The following TRAP1 variants were observed in gnomAD, a reference collection of about 807,000 sequenced individuals.
TRAP1 encodes heat shock protein 75 kDa, mitochondrial.
In TRAP1, 102 loss-of-function variants were observed where a neutral mutation model predicts 89.1. The ratio of observed to expected loss-of-function variants is 1.15; its 90% CI spans 0.98 to 1.35. The LOEUF (loss-of-function observed/expected upper bound fraction) is 1.35. Among genes scored for constraint, TRAP1 ranks in the 40% most tolerant of loss-of-function variants. TRAP1 has a pLI of 0.00. For synonymous variants in TRAP1, 508 were observed against 388.0 expected, an observed-to-expected ratio of 1.31 and a Z score of -3.64; for missense variants, 1,256 against 945.3, an observed-to-expected ratio of 1.33 and a Z score of -4.31.
At chr16:3,664,671 A>G in intron 12 of TRAP1, 1 of 551,852 alleles carries the variant, frequency 1.8e-6, no homozygotes, top group East Asian at 3.3e-5. Context: ...CTTAGGAAGC[A>G]CCTCCTGCCC....
intron 1 of TRAP1, among the ~76,000 whole-genome samples, chr16:3,696,549 G>T (rs907547323): frequency 1.3e-5 from 2 of 152,102 alleles, no homozygotes; most frequent in Middle Eastern, 3.4e-3. Context: ...AGCAATAACT[G>T]GCTGGTGTAA....
chr16:3,676,052 G>T lies in TRAP1; in HGVS notation c.798C>A (p.Ser266Arg). ...CCCGCTCACCTCGCACCCGGGCCTC[G>T]CTGGAAAACTCCTTGCAGTCGGATT... ...HLKSDCKEFS[S>R]EARVRDVVTK... Residue 266 changes from serine to arginine, a missense_variant, in exon 7 of 18, where the codon AGC (serine) becomes AGA (arginine). Ser to Arg is a moderately radical substitution (Grantham distance 110, BLOSUM62 -1). Coordinates refer to ENST00000246957, the MANE Select transcript of TRAP1 (RefSeq NM_016292.3). 6.2e-7 allele frequency: 1 copy of T among 1,613,700 alleles called. No homozygotes were observed. Among genetic ancestry groups the T allele is most frequent in the South Asian group, 1.1e-5 (1 of 90,984 alleles).
Position 3,664,473 on chromosome 16 carries a change from G to C in TRAP1, c.1384-14C>G. Reference sequence around the variant, plus strand: ...TGCTATGTCCTCCTAGAAGGGACGGGGCAGGTCACCACTTATTCCAGGCCC... The same window carrying C: ...TGCTATGTCCTCCTAGAAGGGACGGCGCAGGTCACCACTTATTCCAGGCCC... On this transcript the variant is annotated splice_polypyrimidine_tract_variant and intron_variant, in intron 12 of 17. Transcript: ENST00000246957. 1 of 1,602,184 alleles carries C rather than the reference G, an allele frequency of 6.2e-7. No homozygotes were observed. The highest frequency in any genetic ancestry group is 1.1e-5 in the South Asian group (1 of 89,442).
chr16:3,694,283 A>G (rs1051241108), intron 1 of TRAP1, among the ~76,000 whole-genome samples: 2 of 151,994 alleles, frequency 1.3e-5, no homozygotes, highest in Non-Finnish European at 2.9e-5. Flanking sequence ...AACCTGATAC[A>G]TCTGAAATGA....
At chr16:3,695,740 G>C (rs1196601239) in intron 1 of TRAP1, among the ~76,000 whole-genome samples, 1 of 152,114 alleles carries the variant, frequency 6.6e-6, no homozygotes, top group African/African-American at 2.4e-5. Context: ...TCAGAGGACA[G>C]CACACCATCA....
intron 1 of TRAP1, among the ~76,000 whole-genome samples, chr16:3,697,819 GCT>G (rs1249556568): frequency 2.0e-5 from 3 of 147,362 alleles, no homozygotes; most frequent in African/African-American, 7.5e-5. Flanking sequence ...AGAAGGTCTT[GCT>G]CTGTTGCCCA....
intron 14 of TRAP1, 116 bp downstream of exon 14, chr16:3,663,308 G>T: frequency 1.4e-6 from 2 of 1,380,790 alleles, no homozygotes; most frequent in East Asian, 2.3e-5. Flanking sequence ...CTCTTCTCGG[G>T]GGTGGCTGAG....
At chr16:3,699,396 G>C (rs11645975) in intron 1 of TRAP1, among the ~76,000 whole-genome samples, 48,918 of 151,976 alleles carry the variant, frequency 0.32, 8,693 homozygotes, top group African/African-American at 0.48. Context: ...CAGCACTTTG[G>C]GAGGCCGAGG....
chr16:3,686,097 A>G lies in TRAP1; in HGVS notation c.370T>C (p.Leu124=), dbSNP rs1468792279. The stretch of plus-strand genomic sequence containing the variant: ...ACCAGTTTGTGACGCAGTTTTTCCA[A>G]GGCATCGCTGGCATTGGAGATCAGC... ...RELISNASDA[L]EKLRHKLVSD... Residue 124 remains leucine, a synonymous_variant, in exon 4 of 18, where the codon TTG becomes CTG. Coordinates refer to ENST00000246957, the MANE Select transcript of TRAP1 (RefSeq NM_016292.3). The G allele has an allele frequency of 6.2e-7, 1 of 1,614,114 alleles. No homozygotes were observed. The highest frequency in any genetic ancestry group is 2.2e-5 in the East Asian group (1 of 44,880).
chr16:3,659,449 C>G (rs1200202910), intron 16 of TRAP1: 1 of 152,140 alleles, frequency 6.6e-6, no homozygotes, highest in Admixed American at 6.6e-5. Context: ...GTTTCATCAT[C>G]TCAGAAGGGG....
intron 1 of TRAP1, among the ~76,000 whole-genome samples, chr16:3,695,762 CAGG>C (rs966994077): frequency 2.6e-5 from 4 of 152,084 alleles, no homozygotes; most frequent in Admixed American, 1.3e-4. Context: ...CAGGCTCGGG[CAGG>C]AGATGTGTCC....
Position 3,658,188 on chromosome 16 carries a change from G to A in TRAP1, c.2056C>T (p.Pro686Ser), listed in dbSNP as rs758903218. Residue 686 changes from proline to serine, a missense_variant, in exon 18 of 18, where the codon CCT becomes TCT. Physicochemically the swap from Pro to Ser is moderately conservative, Grantham distance 74. Transcript: ENST00000246957. ...AMIAAGLVDD[P>S]RAMVGRLNEL... ...TTCAAGCGGCCCACCATGGCCCTAG[G>A]GTCGTCAACAAGTCCAGCAGCAATC... 5.0e-6 allele frequency: 8 copies of A among 1,613,982 alleles called. No homozygotes were observed. Among genetic ancestry groups the A allele is most frequent in the Non-Finnish European group, 6.8e-6 (8 of 1,180,026 alleles).
chr16:3,671,961 C>T (rs1203746937), intron 10 of TRAP1, among the ~76,000 whole-genome samples, 170 bp from the exon 11 acceptor site: 1 of 152,248 alleles, frequency 6.6e-6, no homozygotes, highest in Non-Finnish European at 1.5e-5. Flanking sequence ...CTGCCACCTC[C>T]CAGAACAGTG....
intron 8 of TRAP1, chr16:3,674,739 C>A (rs2050964950): frequency 5.5e-6 from 3 of 547,854 alleles, no homozygotes; most frequent in Non-Finnish European, 9.8e-6. Context: ...CAGCCGGGAC[C>A]TGAGGGGGCC....
chr16:3,691,276 C>T (rs1567238061), intron 1 of TRAP1: 1 of 244,022 alleles, frequency 4.1e-6, no homozygotes, highest in Middle Eastern at 1.2e-3. Flanking sequence ...CGCTCTGTCA[C>T]TGCGATCACA....
chr16:3,701,721 T>C (rs752184750), intron 1 of TRAP1, among the ~76,000 whole-genome samples: 2 of 152,066 alleles, frequency 1.3e-5, no homozygotes, highest in Non-Finnish European at 2.9e-5. Context: ...GAAGGGTGCG[T>C]CCCTGAGGGA....
intron 6 of TRAP1, 84 bp from the exon 7 acceptor site, chr16:3,676,229 TTCA>T (rs2050991990): frequency 8.3e-7 from 1 of 1,210,038 alleles, no homozygotes; most frequent in African/African-American, 1.5e-5. Flanking sequence ...TCCCGAGGGT[TTCA>T]TAGGCAGAGC....
intron 12 of TRAP1, 162 bp from the exon 13 acceptor site, chr16:3,664,621 C>T: frequency 1.4e-6 from 1 of 722,996 alleles, no homozygotes; most frequent in South Asian, 2.1e-5. Context: ...GAGAGCAGGC[C>T]TTGCTCTGCC....
chr16:3,700,698 T>C (rs887427338), intron 1 of TRAP1, among the ~76,000 whole-genome samples: 1 of 152,136 alleles, frequency 6.6e-6, no homozygotes, highest in Non-Finnish European at 1.5e-5. Context: ...ACTCTGGGGC[T>C]CAAGGGATCC....
Sources: allele counts gnomAD v4.1 joint callset (sites outside exome capture counted in the v4.1 genomes callset), GRCh38; gene constraint gnomAD v4.1.1; transcripts MANE v1.5; gene names NCBI Gene and HGNC (gene_info 2026-07-23, HGNC 2026-07-21).